Variants in COL1A1 observed in about 807,000 individuals in gnomAD.
The protein encoded by COL1A1 is collagen alpha-1(I) chain.
Under a neutral mutation model 195.7 loss-of-function variants are expected in COL1A1, and 21 were observed. The observed-to-expected ratio is 0.11, with a 90% CI of 0.08 to 0.15. COL1A1 has a LOEUF of 0.15. COL1A1 is among the 10% of genes least tolerant of loss of function. The pLI is 1.00. For synonymous variants in COL1A1, 749 were observed against 747.3 expected, an observed-to-expected ratio of 1.00 and a Z score of -0.04; for missense variants, 1,365 against 2,051.0, an observed-to-expected ratio of 0.67 and a Z score of 6.46.
At position 50,196,782 on chromosome 17, in the gene COL1A1, T is replaced by A. The variant is rs1907631483; in HGVS notation, c.805-112A>T. 3.1e-6 allele frequency: 4 copies of A among 1,306,506 alleles called. No individual in the cohort carries two copies. The Admixed American group carries it at 6.7e-5, about 22-fold the overall frequency. 80.9% of individuals were successfully genotyped at this position (1,306,506 alleles called of 1,614,324 possible). On this transcript the variant is annotated intron_variant, in intron 11 of 50. Coordinates refer to ENST00000225964, the MANE Select transcript of COL1A1 (RefSeq NM_000088.4). ...GGAGGTCATCACCGCCATCCCTTTG[T>A]TTCTGAGCTAGACTAAACCCCAACT...
rs371166646 is a variant in COL1A1, at chr17:50,186,963, A to T, written c.3532-41T>A. On this transcript the variant is annotated intron_variant, in intron 47 of 50. Transcript: ENST00000225964. The surrounding 1 kb of genome is among the most constrained non-coding windows in gnomAD (Gnocchi z 5.3). ...AGAGAGTGGGGATTACCGGCATCCAAGTGCTTTGGGGGCTGGAGGGCCATG... is the reference window on the plus strand; with the variant it reads ...AGAGAGTGGGGATTACCGGCATCCATGTGCTTTGGGGGCTGGAGGGCCATG... 2.9e-5 allele frequency: 47 copies of T among 1,612,268 alleles called. No homozygotes were observed. Among genetic ancestry groups the T allele is most frequent in the Non-Finnish European group, 3.6e-5 (42 of 1,179,008 alleles).
intron 31 of COL1A1, 100 bp from the exon 32 acceptor site, chr17:50,191,590 C>T: frequency 8.0e-7 from 1 of 1,244,316 alleles, no homozygotes; most frequent in Non-Finnish European, 1.2e-6. Context: ...TTTCCAAGGC[C>T]AACGACAAGC....
At chr17:50,200,529 C>T (rs1357993208) in intron 1 of COL1A1, among the ~76,000 whole-genome samples, 3 of 152,238 alleles carry the variant, frequency 2.0e-5, no homozygotes, top group African/African-American at 2.4e-5. Flanking sequence ...ATCTTAAAAG[C>T]CCGCTCTCGG....
chr17:50,190,788 G>T lies in COL1A1; in HGVS notation c.2343+29C>A. The T allele has an allele frequency of 1.3e-6, 2 of 1,585,592 alleles. No homozygotes were observed. The highest frequency in any genetic ancestry group is 1.7e-6 in the Non-Finnish European group (2 of 1,154,496). On this transcript the variant is annotated intron_variant, in intron 33 of 50. Transcript: ENST00000225964. The surrounding 1 kb of genome is among the most constrained non-coding windows in gnomAD (Gnocchi z 4.7). The stretch of plus-strand genomic sequence containing the variant: ...GCCTGCTGAGGAGGCTATGTGTTAG[G>T]GCAGAAGGTGGGGAGGCGGCCACCT...
At chr17:50,192,244 G>A in intron 29 of COL1A1, 2 of 720,306 alleles carry the variant, frequency 2.8e-6, no homozygotes, top group Non-Finnish European at 4.6e-6. Context: ...ATCAATAGAA[G>A]GGTTGAGGGA....
chr17:50,186,562 T>C lies in COL1A1; in HGVS notation c.3815-55A>G, dbSNP rs1003284599. The C allele has an allele frequency of 1.1e-5, 17 of 1,613,528 alleles. No homozygotes were observed. The highest frequency in any genetic ancestry group is 1.4e-5 in the Non-Finnish European group (16 of 1,179,784). On this transcript the variant is annotated intron_variant, in intron 48 of 50. Transcript: ENST00000225964. The surrounding 1 kb of genome is among the most constrained non-coding windows in gnomAD (Gnocchi z 5.3). ...GGGAAAGGGAGCAGCCAGCACCATA[T>C]GGTAGGGGCACATATGGGCATGGGG...
rs1907437634 is a variant in COL1A1 at position 50,194,903 on chromosome 17, T to C, written c.1354-75A>G. 2.0e-6 allele frequency: 3 copies of C among 1,516,924 alleles called. No individual in the cohort carries two copies. Among genetic ancestry groups the C allele is most frequent in the East Asian group, 2.3e-5 (1 of 44,244 alleles). The allele number at this position is 1,516,924 out of a possible 1,614,324, so 94.0% of individuals were successfully genotyped here. A position where few individuals can be genotyped will look rare whatever the true frequency, so the allele number is the denominator to read the frequency against. ...TGCCAGCCTCAGAGCCGGCTGAGGC[T>C]GGGCCTCCAGTGTCAGGGGTTCCTG... On this transcript the variant is annotated intron_variant, in intron 20 of 50. Coordinates refer to ENST00000225964, the MANE Select transcript of COL1A1 (RefSeq NM_000088.4). This position sits in a 1 kb window ranked among gnomAD's most constrained non-coding sequence, Gnocchi z 6.8.
intron 45 of COL1A1, 120 bp from the exon 46 acceptor site, chr17:50,187,657 T>C (rs1906672244): frequency 1.7e-6 from 2 of 1,163,502 alleles, no homozygotes; most frequent in East Asian, 4.9e-5. Context: ...TCTGGAAATC[T>C]AGCCCGAGGG....
Position 50,198,200 on chromosome 17 carries a change from G to T in COL1A1, c.549C>A (p.Pro183=). The part of the protein sequence containing the change: ...GGISVPGPMG[P]SGPRGLPGPP... ...GGCCAGGGAGACCACGAGGACCAGA[G>T]GGACCCTATAGAGGGAGAAGAAAGG... The change falls in exon 7 of 51, where the codon CCC becomes CCA. Residue 183 remains proline (P), a synonymous_variant. Coordinates refer to ENST00000225964, the MANE Select transcript of COL1A1 (RefSeq NM_000088.4). 6.2e-7 allele frequency: 1 copy of T among 1,614,084 alleles called. No individual in the cohort carries two copies. The highest frequency in any genetic ancestry group is 8.5e-7 in the Non-Finnish European group (1 of 1,179,976).
Position 50,199,438 on chromosome 17 carries a change from T to C in COL1A1, c.349A>G (p.Thr117Ala). Residue 117 changes from threonine (T) to alanine (A), a missense_variant, in exon 4 of 51, where the codon ACT (threonine) becomes GCT (alanine). Thr to Ala is a moderately conservative substitution (Grantham distance 58). Transcript: ENST00000225964. ...CTTACCCTTGGGCCTCGGGGGCCAG[T>C]GTCTCCCTTGGGTCCCTGTGGGATT... ...TTGVEGPKGD[T>A]GPRGPRGPAG... The C allele has an allele frequency of 1.2e-6, 2 of 1,614,124 alleles. No individual in the cohort carries two copies. Among genetic ancestry groups the C allele is most frequent in the Non-Finnish European group, 1.7e-6 (2 of 1,179,978 alleles).
chr17:50,193,789 T>C (rs1440670838), intron 25 of COL1A1, 154 bp downstream of exon 25: 1 of 765,498 alleles, frequency 1.3e-6, no homozygotes, highest in African/African-American at 1.7e-5. Flanking sequence ...CCGAGAAGTC[T>C]TTCATTTTAC....
chr17:50,200,080 C>T, intron 1 of COL1A1, 133 bp from the exon 2 acceptor site: 1 of 1,028,318 alleles, frequency 9.7e-7, no homozygotes, highest in Non-Finnish European at 1.5e-6. Flanking sequence ...TTCCTCAAAT[C>T]CTTAAAAGCT....
Position 50,186,905 on chromosome 17 carries a change from A to C in COL1A1, c.3549T>G (p.Pro1183=). The part of the protein sequence containing the change: ...DAGPVGPPGP[P]GPPGPPGPPS... The stretch of plus-strand genomic sequence containing the variant: ...GAGGACCAGGGGGACCAGGAGGTCC[A>C]GGAGGGCCGGGGGGACCCTGCACAG... The change falls in exon 48 of 51, where the codon CCT becomes CCG. Residue 1183 remains proline, a synonymous_variant. Transcript: ENST00000225964. The surrounding 1 kb of genome is among the most constrained non-coding windows in gnomAD (Gnocchi z 5.3). 1 of 1,613,860 alleles carries C rather than the reference A, an allele frequency of 6.2e-7. No individual in the cohort carries two copies. The highest frequency in any genetic ancestry group is 1.3e-5 in the African/African-American group (1 of 75,042).
At position 50,191,861 on chromosome 17, in the gene COL1A1, C is replaced by T. The variant is rs573132397; in HGVS notation, c.2054G>A (p.Arg685His). 23 of 1,602,702 alleles carry T rather than the reference C, an allele frequency of 1.4e-5. 1 individual carries two copies. The highest frequency in any genetic ancestry group is 1.7e-4 in the Middle Eastern group (1 of 6,040). ...AGGACCAGGGGGACCTTGCACACCA[C>T]GCTCGCCAGGGAAACCTCTCTCGCC... ...ARGERGFPGERGVQGPPGPAG... is the reference protein window; with the variant it reads ...ARGERGFPGEHGVQGPPGPAG... Residue 685 changes from arginine to histidine, a missense_variant, in exon 31 of 51, where the codon CGT becomes CAT. Physicochemically the swap from Arg to His is conservative, Grantham distance 29. Coordinates refer to ENST00000225964, the MANE Select transcript of COL1A1 (RefSeq NM_000088.4).
Position 50,190,970 on chromosome 17 carries a change from G to A in COL1A1, c.2236-46C>T. ...GAGATTTCCAGTGTGGGGCAAGGAG[G>A]TGACCTATAGTGTTCTGCTTGTGTC... On this transcript the variant is annotated intron_variant, in intron 32 of 50. Transcript: ENST00000225964. The surrounding 1 kb of genome is among the most constrained non-coding windows in gnomAD (Gnocchi z 4.7). The A allele has an allele frequency of 6.4e-7, 1 of 1,559,066 alleles. No homozygotes were observed. The highest frequency in any genetic ancestry group is 8.8e-7 in the Non-Finnish European group (1 of 1,131,846).
At chr17:50,200,114 T>C (rs1033924574) in intron 1 of COL1A1, 167 bp from the exon 2 acceptor site, 1 of 761,420 alleles carries the variant, frequency 1.3e-6, no homozygotes, top group Non-Finnish European at 2.2e-6. Flanking sequence ...TCAGCGCGGG[T>C]GACAGCGCCG....
chr17:50,198,819 A>C (rs2144589871), intron 5 of COL1A1: 1 of 442,706 alleles, frequency 2.3e-6, no homozygotes, highest in Non-Finnish European at 4.2e-6. Flanking sequence ...ATAATCCTGG[A>C]CTGGATCCCA....
rs67771061 is a variant in COL1A1 at position 50,188,776 on chromosome 17, C to G, written c.3065G>C (p.Gly1022Ala). The change falls in exon 42 of 51, where the codon GGT becomes GCT. Residue 1022 changes from glycine to alanine, a missense_variant. This residue lies in a region of COL1A1 where 671 missense variants were observed against 1,099.9 expected (regional missense o/e 0.61). Transcript: ENST00000225964. This position sits in a 1 kb window ranked among gnomAD's most constrained non-coding sequence, Gnocchi z 5.6. ...SGREGAPGAE[G>A]SPGRDGSPGA... ...AGGAGAACCGTCTCGTCCAGGGGAA[C>G]CTTCGGCACCAGGAGCCCCCTGCAG... 1 of 1,614,074 alleles carries G rather than the reference C, an allele frequency of 6.2e-7. No individual in the cohort carries two copies. Among genetic ancestry groups the G allele is most frequent in the Non-Finnish European group, 8.5e-7 (1 of 1,180,002 alleles).
In COL1A1 at chr17:50,198,203, A is replaced by T; in HGVS notation, c.546T>A (p.Gly182=). 6.2e-7 allele frequency: 1 copy of T among 1,613,986 alleles called. No individual in the cohort carries two copies. Among genetic ancestry groups the T allele is most frequent in the Non-Finnish European group, 8.5e-7 (1 of 1,179,968 alleles). ...CAGGGAGACCACGAGGACCAGAGGGACCCTATAGAGGGAGAAGAAAGGGGG... is the reference window on the plus strand; with the variant it reads ...CAGGGAGACCACGAGGACCAGAGGGTCCCTATAGAGGGAGAAGAAAGGGGG... ...TGGISVPGPM[G]PSGPRGLPGP... The change falls in exon 7 of 51, where the codon GGT becomes GGA. Residue 182 remains glycine, a splice_region_variant and synonymous_variant. Transcript: ENST00000225964.
Sources: gnomAD v4.1 joint callset for allele counts (sites outside exome capture counted in the v4.1 genomes callset) on GRCh38, gnomAD v4.1.1 for gene constraint, gnomAD v4.1.1 regional missense constraint, Gnocchi (gnomAD v3.1) non-coding constraint, MANE v1.5 for transcripts, NCBI Gene and HGNC (gene_info 2026-07-23, HGNC 2026-07-21) for gene names.